Variants in MAML2 observed in about 807,000 individuals in gnomAD.
MAML2 encodes mastermind like transcriptional coactivator 2.
A neutral mutation model predicts 96.1 loss-of-function variants in MAML2; 22 were observed. That is an observed-to-expected ratio of 0.23 (90% CI 0.16 to 0.33). The LOEUF (loss-of-function observed/expected upper bound fraction) is 0.33, where lower values mean the gene tolerates loss of function less well. MAML2 is among the 10% of genes least tolerant of loss of function. MAML2 has a pLI of 1.00. For synonymous variants in MAML2, 561 were observed against 521.3 expected (o/e 1.08, Z -1.04); for missense variants, 1,367 against 1,392.4 (o/e 0.98, Z 0.29).
chr11:95,984,879 A>G (rs969404553), intron 4 of MAML2, among the ~76,000 whole-genome samples: 3 of 152,188 alleles, frequency 2.0e-5, no homozygotes, highest in African/African-American at 7.2e-5. Context: ...TAGTTGCTGA[A>G]TAGGAGAAGG....
chr11:96,230,346 T>C (rs1385034092), intron 1 of MAML2, among the ~76,000 whole-genome samples: 2 of 152,156 alleles, frequency 1.3e-5, no homozygotes, highest in African/African-American at 4.8e-5. Flanking sequence ...CTATATATAT[T>C]TGTACATCTT....
At chr11:96,260,462 G>A (rs766340419) in intron 1 of MAML2, among the ~76,000 whole-genome samples, 1 of 152,160 alleles carries the variant, frequency 6.6e-6, no homozygotes, top group African/African-American at 2.4e-5. Context: ...TGGAATGGAG[G>A]TGCAGCATAG....
intron 1 of MAML2, among the ~76,000 whole-genome samples, chr11:96,104,667 A>T (rs746515144): frequency 3.3e-5 from 5 of 152,194 alleles, no homozygotes; most frequent in Non-Finnish European, 5.9e-5. Flanking sequence ...TTGAATTAAG[A>T]GATATGGAAG....
chr11:96,169,658 A>ATTTTTTTTT (rs1861250485), intron 1 of MAML2, among the ~76,000 whole-genome samples: 1 of 63,684 alleles, frequency 1.6e-5, no homozygotes, highest in African/African-American at 6.9e-5. Context: ...AAGAAAGTAA[A>ATTTTTTTTT]CTTTTTTTTT....
Position 96,185,019 on chromosome 11 carries a change from C to T in MAML2, c.514-91502G>A, listed in dbSNP as rs1298839123. On this transcript the variant is annotated intron_variant, in intron 1 of 4. Transcript: ENST00000524717. ...AAGAAATGAAGAAACTTAAGAGTTC[C>T]TTCCTCATACTGTTTAGATTTTATT... Among the ~76,000 whole-genome samples the T allele has an allele frequency of 5.3e-5, 8 of 152,190 alleles. No homozygotes were observed. The East Asian group carries it at 1.2e-3, about 22-fold the overall frequency.
chr11:96,285,350 A>G (rs1463551496), intron 1 of MAML2, among the ~76,000 whole-genome samples: 1 of 152,224 alleles, frequency 6.6e-6, no homozygotes, highest in Admixed American at 6.5e-5. Flanking sequence ...ACTTAAATGT[A>G]AAATCCCAAA....
chr11:96,040,715 C>T (rs1156545622), intron 2 of MAML2, among the ~76,000 whole-genome samples: 1 of 151,952 alleles, frequency 6.6e-6, no homozygotes, highest in African/African-American at 2.4e-5. Flanking sequence ...TGCAGTGAGC[C>T]GAGATCGTGC....
intron 1 of MAML2, among the ~76,000 whole-genome samples, chr11:96,188,468 A>C: frequency 6.6e-6 from 1 of 152,198 alleles, no homozygotes; most frequent in East Asian, 1.9e-4. Context: ...TCTGATGAGA[A>C]AACCAGTCAA....
chr11:96,209,802 C>T (rs1335022233), intron 1 of MAML2, among the ~76,000 whole-genome samples: 4 of 152,094 alleles, frequency 2.6e-5, no homozygotes, highest in African/African-American at 7.2e-5. Context: ...AATTACCCTC[C>T]AGCAGGAAAA....
chr11:95,999,574 TAA>T (rs5793766), intron 2 of MAML2, among the ~76,000 whole-genome samples: 211 of 138,416 alleles, frequency 1.5e-3, no homozygotes, highest in Non-Finnish European at 1.2e-3. Context: ...TTCTCTTAAT[TAA>T]AAAAAAAAAA....
intron 1 of MAML2, among the ~76,000 whole-genome samples, chr11:96,297,000 C>A (rs1287206558): frequency 6.6e-6 from 1 of 152,122 alleles, no homozygotes; most frequent in Non-Finnish European, 1.5e-5. Flanking sequence ...TTGTCAGGCT[C>A]TTCTGTAACT....
intron 2 of MAML2, among the ~76,000 whole-genome samples, chr11:96,004,691 C>A (rs1305658226): frequency 6.6e-6 from 1 of 152,092 alleles, no homozygotes; most frequent in Non-Finnish European, 1.5e-5. Flanking sequence ...TTTTCTTGGG[C>A]AAATTATACA....
At chr11:96,166,154 G>GTC (rs752973631) in intron 1 of MAML2, among the ~76,000 whole-genome samples, 14,641 of 113,648 alleles carry the variant, frequency 0.13, 1,143 homozygotes, top group East Asian at 0.19. Flanking sequence ...CTCTCTGTCT[G>GTC]TCTCTCTCTC....
Position 96,276,673 on chromosome 11 carries a change from A to C in MAML2, c.513+64710T>G, listed in dbSNP as rs1396809590. 3.9e-5 allele frequency among the ~76,000 whole-genome samples: 6 copies of C among 152,232 alleles called. No individual in the cohort carries two copies. In the East Asian group the frequency reaches 1.2e-3, roughly 29 times the overall value. ...AAATGGATCCACACATTGAAATGGC[A>C]ATGTCTGTGCCTTTAAAACACCAAT... On this transcript the variant is annotated intron_variant, in intron 1 of 4. Coordinates refer to ENST00000524717, the MANE Select transcript of MAML2 (RefSeq NM_032427.4).
chr11:96,012,171 G>T (rs1858276578), intron 2 of MAML2, among the ~76,000 whole-genome samples: 1 of 152,138 alleles, frequency 6.6e-6, no homozygotes, highest in Middle Eastern at 3.2e-3. Context: ...AACCTCCTCT[G>T]AAAGCACCAC....
intron 1 of MAML2, among the ~76,000 whole-genome samples, chr11:96,277,504 T>G (rs2509001): frequency 6.6e-6 from 1 of 151,944 alleles, no homozygotes; most frequent in African/African-American, 2.4e-5. Flanking sequence ...TAATCCCAGC[T>G]CTTTGGGAGG....
intron 2 of MAML2, among the ~76,000 whole-genome samples, chr11:96,015,616 G>C (rs1858337565): frequency 7.0e-6 from 1 of 141,916 alleles, no homozygotes; most frequent in African/African-American, 2.6e-5. Context: ...AGACATATTA[G>C]TGATGACCCA....
At chr11:96,150,729 G>C (rs1026563089) in intron 1 of MAML2, among the ~76,000 whole-genome samples, 1 of 152,068 alleles carries the variant, frequency 6.6e-6, no homozygotes, top group East Asian at 1.9e-4. Context: ...GATAGTCCTC[G>C]TCTCCATCCC....
rs139301732 is a variant in MAML2, at chr11:96,235,947, C to A, written c.513+105436G>T. 6.7e-3 allele frequency among the ~76,000 whole-genome samples: 1,027 copies of A among 152,316 alleles called. 27 individuals carry two copies. Among genetic ancestry groups the A allele is most frequent in the East Asian group, 0.021 (108 of 5,178 alleles). On this transcript the variant is annotated intron_variant, in intron 1 of 4. Transcript: ENST00000524717. ...GCAGCACATCTGCCCACTGCACCCC[C>A]TTCCCAAGAAATGCATTGCATCACT... is the stretch of plus-strand genomic sequence containing the variant.
Sources: gnomAD v4.1 joint callset for allele counts (sites outside exome capture counted in the v4.1 genomes callset) on GRCh38, gnomAD v4.1.1 for gene constraint, MANE v1.5 for transcripts, NCBI Gene and HGNC (gene_info 2026-07-23, HGNC 2026-07-21) for gene names.